NAV2: variants seen among roughly 807,000 people sequenced by gnomAD.
The protein encoded by NAV2 is helicase, APC down-regulated 1.
Under a neutral mutation model 223.2 loss-of-function variants are expected in NAV2, and 54 were observed. That is an observed-to-expected ratio of 0.24 (90% confidence interval 0.19 to 0.30). The LOEUF is 0.30. NAV2 is among the 10% of genes least tolerant of loss of function. The probability of loss-of-function intolerance (pLI) is 1.00; values close to 1 mark genes in which losing one functional copy is unlikely to be tolerated. For missense variants in NAV2, 2,806 were observed against 3,147.5 expected (o/e 0.89, Z 2.60); for synonymous variants, 1,279 against 1,239.3 (o/e 1.03, Z -0.67).
intron 1 of NAV2, among the ~76,000 whole-genome samples, chr11:19,484,713 AC>A (rs778953856): frequency 7.9e-5 from 12 of 152,120 alleles, no homozygotes; most frequent in Non-Finnish European, 1.8e-4. Context: ...CCAGCTCTCC[AC>A]CCGACATCCT....
chr11:19,468,479 C>T (rs1852449269), intron 1 of NAV2, among the ~76,000 whole-genome samples: 1 of 152,196 alleles, frequency 6.6e-6, no homozygotes. Flanking sequence ...CCTCCATCTT[C>T]TCCCTGGGTG....
intron 1 of NAV2, among the ~76,000 whole-genome samples, chr11:19,590,688 G>A (rs2046035726): frequency 6.6e-6 from 1 of 152,158 alleles, no homozygotes; most frequent in African/African-American, 2.4e-5. Context: ...GGAGAAGTGA[G>A]GAAGGTATTT....
At chr11:19,954,889 GTATGTGTATATA>G (rs1427329675) in intron 10 of NAV2, among the ~76,000 whole-genome samples, 1 of 148,100 alleles carries the variant, frequency 6.8e-6, no homozygotes, top group Non-Finnish European at 1.5e-5. Flanking sequence ...GTGTGTGTAT[GTATGTGTATATA>G]TATGTGTATA....
intron 11 of NAV2, among the ~76,000 whole-genome samples, chr11:20,031,601 C>T (rs982839639): frequency 6.6e-6 from 1 of 152,190 alleles, no homozygotes; most frequent in African/African-American, 2.4e-5. Context: ...TGTGGGCACT[C>T]AAGCGATGTC....
At chr11:19,719,193 G>A (rs905090488) in intron 1 of NAV2, among the ~76,000 whole-genome samples, 18 of 152,176 alleles carry the variant, frequency 1.2e-4, no homozygotes, top group Admixed American at 6.5e-5. Context: ...CTCAGAATCC[G>A]CCTCAGCAGC....
At chr11:19,949,963 C>A (rs2047249900) in intron 10 of NAV2, among the ~76,000 whole-genome samples, 1 of 152,126 alleles carries the variant, frequency 6.6e-6, no homozygotes, top group Non-Finnish European at 1.5e-5. Context: ...GTCTAAGGAA[C>A]CTTTCAGGTG....
At position 20,103,326 on chromosome 11, in the gene NAV2, C is replaced by A; in HGVS notation, c.6489C>A (p.Leu2163=). 6.2e-7 allele frequency: 1 copy of A among 1,614,192 alleles called. No homozygotes were observed. The highest frequency in any genetic ancestry group is 1.1e-5 in the South Asian group (1 of 91,086). Residue 2163 remains leucine (L), a synonymous_variant, in exon 33 of 38, where the codon CTC becomes CTA. Transcript: ENST00000349880. ...AGAACAATGCTGTGGACATGCCCCTCGTCATCATCCTGGACAACCTACACC... is the reference window on the plus strand; with the variant it reads ...AGAACAATGCTGTGGACATGCCCCTAGTCATCATCCTGGACAACCTACACC... ...NSENNAVDMP[L]VIILDNLHHV... is the part of the protein sequence containing the mutation.
intron 1 of NAV2, among the ~76,000 whole-genome samples, chr11:19,678,958 C>A (rs1032290646): frequency 3.9e-5 from 6 of 152,204 alleles, no homozygotes; most frequent in African/African-American, 1.4e-4. Flanking sequence ...TCAGCTGTGG[C>A]ATCTGTTATG....
chr11:20,033,225 T>C (rs1462035359), intron 11 of NAV2, among the ~76,000 whole-genome samples: 1 of 152,256 alleles, frequency 6.6e-6, no homozygotes, highest in Non-Finnish European at 1.5e-5. Context: ...AGGTATGATA[T>C]GAGGACTGGA....
At chr11:19,847,339 G>A (rs2060866392) in intron 3 of NAV2, among the ~76,000 whole-genome samples, 1 of 152,180 alleles carries the variant, frequency 6.6e-6, no homozygotes, top group Non-Finnish European at 1.5e-5. Context: ...CAAAGTTAGG[G>A]AGGCTTGCTT....
chr11:19,636,477 G>T (rs796121414), intron 1 of NAV2, among the ~76,000 whole-genome samples: 57 of 151,832 alleles, frequency 3.8e-4, no homozygotes, highest in African/African-American at 1.4e-3. Flanking sequence ...TTAAGGAGAT[G>T]AGTTCTGCAG....
intron 17 of NAV2, among the ~76,000 whole-genome samples, chr11:20,053,319 C>T (rs2058145906): frequency 6.7e-6 from 1 of 149,554 alleles, no homozygotes; most frequent in South Asian, 2.1e-4. Flanking sequence ...GGATTGAAAT[C>T]TCAACTCTGT....
intron 11 of NAV2, among the ~76,000 whole-genome samples, chr11:20,032,333 C>T (rs1242761741): frequency 6.6e-6 from 1 of 152,218 alleles, no homozygotes; most frequent in Non-Finnish European, 1.5e-5. Flanking sequence ...TCAGGGTAAG[C>T]ACGCAGTGCT....
chr11:19,743,492 G>A (rs939026913), intron 1 of NAV2, among the ~76,000 whole-genome samples: 1 of 152,238 alleles, frequency 6.6e-6, no homozygotes, highest in Non-Finnish European at 1.5e-5. Context: ...CTTGCCTGCA[G>A]TCTGCTCACA....
chr11:20,006,114 A>G (rs1441872478), intron 11 of NAV2, among the ~76,000 whole-genome samples: 4 of 152,158 alleles, frequency 2.6e-5, no homozygotes, highest in Non-Finnish European at 5.9e-5. Context: ...TATCCCCGAC[A>G]TTACAGAAGG....
At chr11:19,714,093 A>C in intron 1 of NAV2, 131 bp downstream of exon 1, 1 of 1,326,078 alleles carries the variant, frequency 7.5e-7, no homozygotes. Context: ...CATTCCCCTT[A>C]GGCCGGCAGG....
At chr11:19,361,632 A>G (rs892482653) in intron 1 of NAV2, among the ~76,000 whole-genome samples, 26 of 152,080 alleles carry the variant, frequency 1.7e-4, no homozygotes, top group Admixed American at 6.5e-5. Flanking sequence ...CTGCCATCTG[A>G]GATCAATACA....
intron 1 of NAV2, among the ~76,000 whole-genome samples, chr11:19,557,180 G>T (rs1277542417): frequency 6.6e-6 from 1 of 152,208 alleles, no homozygotes; most frequent in Non-Finnish European, 1.5e-5. Context: ...TAACCCGCAG[G>T]TTAAATTCCA....
rs144642336 is a variant in NAV2, at chr11:19,897,886, T to TTTATATA, written c.931+5293_931+5294insTATATAT. On this transcript the variant is annotated intron_variant, in intron 6 of 37. Coordinates refer to ENST00000349880, the MANE Select transcript of NAV2 (RefSeq NM_145117.5). ...GCCACAGCTGTGCCTGACCTGTGAT[T>TTTATATA]TATATATATATATATATATGTGAGC... Among the ~76,000 whole-genome samples the TTTATATA allele has an allele frequency of 5.4e-4, 65 of 120,682 alleles. 1 individual carries two copies. Among genetic ancestry groups the TTTATATA allele is most frequent in the African/African-American group, 1.9e-3 (55 of 29,682 alleles). 79.2% of individuals were successfully genotyped at this position (120,682 alleles called of 152,430 possible).
Sources: gnomAD v4.1 joint callset for allele counts (sites outside exome capture counted in the v4.1 genomes callset) on GRCh38, gnomAD v4.1.1 for gene constraint, MANE v1.5 for transcripts, NCBI Gene and HGNC (gene_info 2026-07-23, HGNC 2026-07-21) for gene names.